The following RNF212 variants were observed in gnomAD, a reference collection of about 807,000 sequenced individuals.
The protein encoded by RNF212 is ring finger protein 212.
Under a neutral mutation model 34.7 loss-of-function variants are expected in RNF212, and 33 were observed. The ratio of observed to expected loss-of-function variants is 0.95; its 90% CI spans 0.72 to 1.27. The LOEUF (loss-of-function observed/expected upper bound fraction) is 1.27, where lower values mean the gene tolerates loss of function less well. Ranked by LOEUF, RNF212 falls within the 50% of genes most tolerant of loss-of-function variation. The probability of loss-of-function intolerance (pLI) is 0.00; values close to 1 mark genes in which losing one functional copy is unlikely to be tolerated. For synonymous variants in RNF212, 140 were observed against 136.1 expected (o/e 1.03, Z -0.20); for missense variants, 377 against 362.2 (o/e 1.04, Z -0.33).
chr4:1,057,114 C>T, intron 4 of RNF212: 1 of 385,370 alleles, frequency 2.6e-6, no homozygotes, highest in Non-Finnish European at 3.6e-6. Context: ...TCAAAGGCAT[C>T]TCTGAGAACC....
At chr4:1,076,140 C>T (rs1320940698) in intron 8 of RNF212, among the ~76,000 whole-genome samples, 1 of 152,224 alleles carries the variant, frequency 6.6e-6, no homozygotes, top group Non-Finnish European at 1.5e-5. Context: ...ACACCTTAGT[C>T]AACACTTCCA....
chr4:1,066,831 T>G (rs78569536), downstream of RNF212, among the ~76,000 whole-genome samples: 1 of 152,070 alleles, frequency 6.6e-6, no homozygotes, highest in Non-Finnish European at 1.5e-5. Flanking sequence ...TTTTTTTTTT[T>G]GTTGCCTGTG....
chr4:1,099,050 C>A (rs1174537854), intron 2 of RNF212, among the ~76,000 whole-genome samples: 1 of 152,106 alleles, frequency 6.6e-6, no homozygotes, highest in African/African-American at 2.4e-5. Context: ...GCCAGAACAG[C>A]CAAGAAGTCT....
At position 1,072,729 on chromosome 4, in the gene RNF212, A is replaced by C. The variant is rs1487677258; in HGVS notation, c.*145T>G. The C allele has an allele frequency of 7.0e-7, 1 of 1,418,536 alleles. No homozygotes were observed. The highest frequency in any genetic ancestry group is 1.4e-5 in the African/African-American group (1 of 69,470). The allele number at this position is 1,418,536 out of a possible 1,614,324, so 87.9% of individuals were successfully genotyped here. On this transcript the variant is annotated 3_prime_UTR_variant, in exon 10 of 10. Transcript: ENST00000433731. ...ATTCAAAGGTCAAATATAAAATTAC[A>C]AAGCAAATTGGGTAAAAGGTTAATA...
chr4:1,070,777 C>T (rs1311988832), downstream of RNF212, among the ~76,000 whole-genome samples: 1 of 152,206 alleles, frequency 6.6e-6, no homozygotes, highest in Non-Finnish European at 1.5e-5. Context: ...ACATCGGTAA[C>T]ATGCTCAGTG....
intron 4 of RNF212, among the ~76,000 whole-genome samples, chr4:1,089,652 T>G (rs1185423431): frequency 6.6e-6 from 1 of 152,172 alleles, no homozygotes; most frequent in East Asian, 1.9e-4. Context: ...CCAAATCTCA[T>G]TTTGAATTGC....
chr4:1,083,941 G>C (rs888213394), intron 5 of RNF212, among the ~76,000 whole-genome samples: 1 of 127,104 alleles, frequency 7.9e-6, no homozygotes, highest in Non-Finnish European at 1.6e-5. Context: ...TCCACATTTT[G>C]TGCATTTTTT....
At chr4:1,073,755 G>T in intron 8 of RNF212, 93 bp from the exon 9 acceptor site, 1 of 819,376 alleles carries the variant, frequency 1.2e-6, no homozygotes. Flanking sequence ...ACATTTCCCA[G>T]AACCCCATCT....
At chr4:1,074,109 C>T (rs1017400625) in intron 8 of RNF212, among the ~76,000 whole-genome samples, 1 of 152,120 alleles carries the variant, frequency 6.6e-6, no homozygotes, top group African/African-American at 2.4e-5. Flanking sequence ...TCTGTGCCCA[C>T]CCTTCACTCT....
intron 3 of RNF212, among the ~76,000 whole-genome samples, chr4:1,059,269 G>T (rs749564854): frequency 6.6e-6 from 1 of 152,210 alleles, no homozygotes; most frequent in Non-Finnish European, 1.5e-5. Flanking sequence ...TGCTGCCTGC[G>T]GGAGGCATCG....
intron 9 of RNF212, 34 bp from the exon 10 acceptor site, chr4:1,073,227 G>A (rs760013106): frequency 3.6e-5 from 57 of 1,605,148 alleles, no homozygotes; most frequent in Non-Finnish European, 4.8e-5. Context: ...CGTGTGGGGA[G>A]ATGGCCTGTG....
At chr4:1,061,805 A>G (rs1717768943) in intron 3 of RNF212, among the ~76,000 whole-genome samples, 1 of 152,220 alleles carries the variant, frequency 6.6e-6, no homozygotes, top group Non-Finnish European at 1.5e-5. Flanking sequence ...ACAAAAACCA[A>G]TCAAACAACC....
downstream of RNF212, among the ~76,000 whole-genome samples, chr4:1,066,562 C>T (rs150792078): frequency 0.015 from 2,272 of 152,330 alleles, 58 homozygotes; most frequent in African/African-American, 0.052. Context: ...AACTCCTGAG[C>T]TCAAGCGATC....
intron 1 of RNF212, among the ~76,000 whole-genome samples, chr4:1,112,172 A>G (rs557827150): frequency 2.8e-4 from 43 of 152,292 alleles, no homozygotes; most frequent in Non-Finnish European, 5.0e-4. Flanking sequence ...CCGCCACCGA[A>G]CTCCAGCCTG....
downstream of RNF212, among the ~76,000 whole-genome samples, chr4:1,068,884 A>G (rs1039530557): frequency 2.6e-5 from 4 of 152,214 alleles, no homozygotes; most frequent in Admixed American, 2.6e-4. Flanking sequence ...GGATTTTAGC[A>G]GAAAATACAA....
At chr4:1,096,662 C>T in intron 3 of RNF212, 103 bp downstream of exon 3, 1 of 735,668 alleles carries the variant, frequency 1.4e-6, no homozygotes, top group Non-Finnish European at 2.4e-6. Flanking sequence ...CGGGATAGTG[C>T]ACCTGGCTCA....
chr4:1,086,389 C>G (rs939937729), intron 4 of RNF212, among the ~76,000 whole-genome samples: 4 of 151,728 alleles, frequency 2.6e-5, no homozygotes, highest in African/African-American at 9.7e-5. Context: ...GTCTAGGATC[C>G]CACTGTCCAG....
intron 3 of RNF212, among the ~76,000 whole-genome samples, chr4:1,091,759 C>T (rs1485597182): frequency 6.6e-6 from 1 of 152,214 alleles, no homozygotes; most frequent in African/African-American, 2.4e-5. Flanking sequence ...GCACAGGGGC[C>T]CTCCTCCAGG....
intron 3 of RNF212, among the ~76,000 whole-genome samples, chr4:1,059,565 C>T (rs6858612): frequency 0.8 from 121,133 of 152,118 alleles, 48,712 homozygotes; most frequent in African/African-American, 0.89. Context: ...ACTCACCCTG[C>T]CTGATCCTCC....
Sources: allele counts gnomAD v4.1 joint callset (sites outside exome capture counted in the v4.1 genomes callset), GRCh38; gene constraint gnomAD v4.1.1; transcripts MANE v1.5; gene names NCBI Gene and HGNC (gene_info 2026-07-23, HGNC 2026-07-21).